Variants in PIK3R3 observed in about 807,000 individuals in gnomAD.
PIK3R3 encodes the protein phosphatidylinositol 3-kinase regulatory subunit gamma.
Under a neutral mutation model 62.9 loss-of-function variants are expected in PIK3R3, and 64 were observed. The observed-to-expected ratio is 1.02, with a 90% CI of 0.83 to 1.25. The LOEUF is 1.25. Among genes scored for constraint, PIK3R3 ranks in the 50% most tolerant of loss-of-function variants. The pLI, the probability that PIK3R3 is intolerant of heterozygous loss-of-function variation, is 0.00. For missense variants in PIK3R3, 614 were observed against 561.6 expected (o/e 1.09, Z -0.94); for synonymous variants, 165 against 189.0 (o/e 0.87, Z 1.04).
In PIK3R3 at chr1:46,125,012, T is replaced by A. The variant is rs557117800; in HGVS notation, c.106+6835A>T. Among the ~76,000 whole-genome samples the A allele has an allele frequency of 2.0e-3, 303 of 152,110 alleles. 2 individuals carry two copies. The highest frequency in any genetic ancestry group is 6.5e-3 in the African/African-American group (269 of 41,474). Reference sequence around the variant, plus strand: ...TACTCGGGAGGCTGAGGCAGGAGAATTGCCTGAACACAGGAGTCGGAGATT... The same window carrying A: ...TACTCGGGAGGCTGAGGCAGGAGAAATGCCTGAACACAGGAGTCGGAGATT... On this transcript the variant is annotated intron_variant, in intron 1 of 9. Coordinates refer to ENST00000262741, the MANE Select transcript of PIK3R3 (RefSeq NM_003629.4).
upstream of PIK3R3, among the ~76,000 whole-genome samples, chr1:46,134,151 A>G (rs1655840990): frequency 6.6e-6 from 1 of 152,174 alleles, no homozygotes; most frequent in Admixed American, 6.5e-5. Flanking sequence ...TCCTCTTTAC[A>G]CAGGAGTAAC....
the PIK3R3 span, among the ~76,000 whole-genome samples, chr1:46,152,765 G>T: frequency 1.3e-5 from 2 of 151,942 alleles, no homozygotes; most frequent in South Asian, 2.1e-4. Flanking sequence ...GGGTTTCACC[G>T]TGTTAGTCAG....
rs567608216 is a variant in PIK3R3 at position 46,109,159 on chromosome 1, T to A, written c.106+22688A>T. Among the ~76,000 whole-genome samples, 121 of 109,244 alleles carry A rather than the reference T, an allele frequency of 1.1e-3. 3 individuals carry two copies. The South Asian group carries it at 0.033, about 30-fold the overall frequency. The allele number at this position is 109,244 out of a possible 152,430, so 71.7% of individuals were successfully genotyped here. A position where few individuals can be genotyped will look rare whatever the true frequency, so the allele number is the denominator to read the frequency against. ...GCCTGGGTGACAAAGCGAGACTCTG[T>A]CTCAAAAAAAAAAAAAAAAAAAAAT... On this transcript the variant is annotated intron_variant, in intron 1 of 9. Coordinates refer to ENST00000262741, the MANE Select transcript of PIK3R3 (RefSeq NM_003629.4).
intron 1 of PIK3R3, among the ~76,000 whole-genome samples, chr1:46,115,615 T>C (rs1571540445): frequency 6.6e-6 from 1 of 152,234 alleles, no homozygotes; most frequent in South Asian, 2.1e-4. Flanking sequence ...AGAGATATGA[T>C]AGCAGCTCTT....
chr1:46,088,653 A>C (rs1335735234), intron 1 of PIK3R3, among the ~76,000 whole-genome samples: 2 of 152,170 alleles, frequency 1.3e-5, no homozygotes, highest in African/African-American at 2.4e-5. Context: ...CAGAGGATCA[A>C]CTCAGAAGAT....
the PIK3R3 span, among the ~76,000 whole-genome samples, chr1:46,153,803 A>G: frequency 1.9e-4 from 29 of 152,330 alleles, no homozygotes; most frequent in Middle Eastern, 6.8e-3. Context: ...CTCCTTATTT[A>G]CCACACAGTG....
Position 46,046,639 on chromosome 1 carries a change from G to A in PIK3R3, c.942-14C>T. On this transcript the variant is annotated splice_polypyrimidine_tract_variant and intron_variant, in intron 7 of 9. Transcript: ENST00000262741. ...TGATTGAGCCATCTGCCAGAGGAAA[G>A]ACACCAGTGTCAGTATCCATGCAAA... 1 of 1,590,352 alleles carries A rather than the reference G, an allele frequency of 6.3e-7. No individual in the cohort carries two copies. Among genetic ancestry groups the A allele is most frequent in the Non-Finnish European group, 8.6e-7 (1 of 1,158,368 alleles).
At chr1:46,160,944 A>G in the PIK3R3 span, among the ~76,000 whole-genome samples, 64 of 152,286 alleles carry the variant, frequency 4.2e-4, no homozygotes, top group African/African-American at 1.5e-3. Flanking sequence ...AAAAAACAAT[A>G]ATGGCCAAAC....
the PIK3R3 span, among the ~76,000 whole-genome samples, chr1:46,149,911 C>T: frequency 3.9e-5 from 6 of 152,304 alleles, no homozygotes; most frequent in African/African-American, 1.4e-4. Context: ...CCTTATTTAG[C>T]ATATAATCAA....
In PIK3R3 at chr1:46,132,203, G is replaced by A; in HGVS notation, c.-251C>T. 1 of 1,252,748 alleles carries A rather than the reference G, an allele frequency of 8.0e-7. No individual in the cohort carries two copies. The highest frequency in any genetic ancestry group is 1.0e-6 in the Non-Finnish European group (1 of 991,198). The allele number at this position is 1,252,748 out of a possible 1,614,324, so 77.6% of individuals were successfully genotyped here. A position where few individuals can be genotyped will look rare whatever the true frequency, so the allele number is the denominator to read the frequency against. ...TCCTCAGAGGATTACACAGAGGCTT[G>A]GGGGACGGAGAGCAGAGGTGTTAAA... On this transcript the variant is annotated 5_prime_UTR_variant, in exon 1 of 10. Coordinates refer to ENST00000262741, the MANE Select transcript of PIK3R3 (RefSeq NM_003629.4).
At chr1:46,077,268 C>T (rs571836231) in intron 3 of PIK3R3, among the ~76,000 whole-genome samples, 6 of 152,250 alleles carry the variant, frequency 3.9e-5, no homozygotes, top group East Asian at 3.9e-4. Flanking sequence ...GCTTCCTACT[C>T]CCTTACATTT....
At chr1:46,107,805 ATAT>A (rs1361069521) in intron 1 of PIK3R3, among the ~76,000 whole-genome samples, 1 of 152,204 alleles carries the variant, frequency 6.6e-6, no homozygotes, top group African/African-American at 2.4e-5. Flanking sequence ...TCTATTGCTT[ATAT>A]TGTTACTCTC....
At chr1:46,147,854 T>C in the PIK3R3 span, among the ~76,000 whole-genome samples, 1 of 152,114 alleles carries the variant, frequency 6.6e-6, no homozygotes, top group Admixed American at 6.5e-5. Context: ...GGGTCAGCAA[T>C]TGCTAGGAGA....
chr1:46,071,248 C>T (rs1187287378), intron 3 of PIK3R3, among the ~76,000 whole-genome samples: 1 of 152,106 alleles, frequency 6.6e-6, no homozygotes, highest in Non-Finnish European at 1.5e-5. Context: ...TCAGCCTCCA[C>T]CTTTTAAATT....
At chr1:46,060,358 G>A (rs966838997) in intron 6 of PIK3R3, among the ~76,000 whole-genome samples, 2 of 151,590 alleles carry the variant, frequency 1.3e-5, no homozygotes, top group Non-Finnish European at 2.9e-5. Flanking sequence ...GGCATGGTGG[G>A]GGGTGCCTGT....
At chr1:46,115,556 G>A (rs960379368) in intron 1 of PIK3R3, among the ~76,000 whole-genome samples, 5 of 152,060 alleles carry the variant, frequency 3.3e-5, no homozygotes, top group South Asian at 4.1e-4. Context: ...TATTTTATCT[G>A]GCAATACTAA....
At chr1:46,159,998 T>C in the PIK3R3 span, among the ~76,000 whole-genome samples, 1 of 152,188 alleles carries the variant, frequency 6.6e-6, no homozygotes, top group African/African-American at 2.4e-5. Context: ...ACCTCATTTT[T>C]TTATTCAAAT....
rs111469428 is a variant in PIK3R3, at chr1:46,043,113, G to GT, written c.*559dup. 45,910 of 227,304 alleles carry GT rather than the reference G, an allele frequency of 0.2. 5,316 individuals carry two copies. Among genetic ancestry groups the GT allele is most frequent in the Non-Finnish European group, 0.26 (29,205 of 114,068 alleles). 14.1% of individuals were successfully genotyped at this position (227,304 alleles called of 1,614,324 possible). A position where few individuals can be genotyped will look rare whatever the true frequency, so the allele number is the denominator to read the frequency against. Reference sequence around the variant, plus strand: ...AGAAACAAAATACCTTCAGTTGAAGGTTTTTTTTATCATCTTGGCTTAGAT... The same window carrying GT: ...AGAAACAAAATACCTTCAGTTGAAGGTTTTTTTTTATCATCTTGGCTTAGAT... On this transcript the variant is annotated 3_prime_UTR_variant, in exon 10 of 10. Transcript: ENST00000262741.
At chr1:46,051,734 GC>G (rs544576583) in intron 7 of PIK3R3, among the ~76,000 whole-genome samples, 117 of 152,196 alleles carry the variant, frequency 7.7e-4, no homozygotes, top group African/African-American at 2.4e-3. Context: ...TGTAGCCCCT[GC>G]TTATCCATGG....
Sources: gnomAD v4.1 joint callset for allele counts (sites outside exome capture counted in the v4.1 genomes callset) on GRCh38, gnomAD v4.1.1 for gene constraint, MANE v1.5 for transcripts, NCBI Gene and HGNC (gene_info 2026-07-23, HGNC 2026-07-21) for gene names.